Variants in TCEA3 observed in about 807,000 individuals in gnomAD.
The protein encoded by TCEA3 is transcription elongation factor A protein 3.
Under a neutral mutation model 44.0 loss-of-function variants are expected in TCEA3, and 36 were observed. The observed-to-expected ratio is 0.82, with a 90% confidence interval of 0.63 to 1.08. The LOEUF (loss-of-function observed/expected upper bound fraction) is 1.08. TCEA3 is among the 50% of genes least tolerant of loss of function. The pLI, the probability that TCEA3 is intolerant of heterozygous loss-of-function variation, is 0.00. For synonymous variants in TCEA3, 162 were observed against 159.7 expected (o/e 1.01, Z -0.11); for missense variants, 392 against 441.2 (o/e 0.89, Z 1.00).
rs987877549 is a variant in TCEA3, at chr1:23,395,598, G to A, written c.665-1565C>T. Among the ~76,000 whole-genome samples the A allele has an allele frequency of 9.2e-5, 14 of 152,162 alleles. 1 individual carries two copies. Among genetic ancestry groups the A allele is most frequent in the Admixed American group, 8.5e-4 (13 of 15,254 alleles). ...CCCAGCATTTTACGAGGCTGAGGAG[G>A]GAGGATCACCTGAGGTCAGGAGTTC... On this transcript the variant is annotated intron_variant, in intron 7 of 10. Coordinates refer to ENST00000450454, the MANE Select transcript of TCEA3 (RefSeq NM_003196.3).
rs1227099339 is a variant in TCEA3, at chr1:23,384,061, G to A, written c.1038+285C>T. 17 of 1,260,506 alleles carry A rather than the reference G, an allele frequency of 1.3e-5. No individual in the cohort carries two copies. In the East Asian group the frequency reaches 1.7e-4, roughly 12 times the overall value. The allele number at this position is 1,260,506 out of a possible 1,614,324, so 78.1% of individuals were successfully genotyped here. A position where few individuals can be genotyped will look rare whatever the true frequency, so the allele number is the denominator to read the frequency against. ...TCTCCTCTGTGGATCTCAGGAAGCC[G>A]ATTCCATCTGTGCTCAAATGACAGA... is the stretch of plus-strand genomic sequence containing the variant. On this transcript the variant is annotated intron_variant, in intron 10 of 10. Coordinates refer to ENST00000450454, the MANE Select transcript of TCEA3 (RefSeq NM_003196.3).
chr1:23,400,200 T>A (rs1158453502), intron 5 of TCEA3, among the ~76,000 whole-genome samples: 1 of 152,188 alleles, frequency 6.6e-6, no homozygotes, highest in Non-Finnish European at 1.5e-5. Flanking sequence ...TTGGTAACCC[T>A]AAAAGTCACA....
chr1:23,418,657 C>T (rs1031594695), intron 2 of TCEA3, among the ~76,000 whole-genome samples: 3 of 152,098 alleles, frequency 2.0e-5, no homozygotes, highest in Admixed American at 6.5e-5. Flanking sequence ...ACAGCAGCTC[C>T]GGCTATGAGA....
rs568809529 is a variant in TCEA3 at position 23,391,704 on chromosome 1, T to C, written c.819+2175A>G. Among the ~76,000 whole-genome samples the C allele has an allele frequency of 2.6e-5, 4 of 151,990 alleles. No individual in the cohort carries two copies. The East Asian group carries it at 7.8e-4, about 30-fold the overall frequency. Reference sequence around the variant, plus strand: ...TTGGGAGGCTGAGGCAGGTGGATTATCTGAGGTCAGGAGTTTGAGACCAGC... The same window carrying C: ...TTGGGAGGCTGAGGCAGGTGGATTACCTGAGGTCAGGAGTTTGAGACCAGC... On this transcript the variant is annotated intron_variant, in intron 8 of 10. Coordinates refer to ENST00000450454, the MANE Select transcript of TCEA3 (RefSeq NM_003196.3).
At chr1:23,419,942 C>T (rs968575178) in intron 1 of TCEA3, among the ~76,000 whole-genome samples, 1 of 152,180 alleles carries the variant, frequency 6.6e-6, no homozygotes, top group Non-Finnish European at 1.5e-5. Context: ...TACGTGTACA[C>T]CCATGGAACC....
chr1:23,403,619 G>A (rs1234488498), intron 5 of TCEA3: 1 of 158,734 alleles, frequency 6.3e-6, no homozygotes, highest in Non-Finnish European at 1.4e-5. Flanking sequence ...GTAGACTGAA[G>A]CTCAGAGAGC....
intron 7 of TCEA3, among the ~76,000 whole-genome samples, chr1:23,397,300 A>G (rs886194098): frequency 1.3e-5 from 2 of 152,232 alleles, no homozygotes; most frequent in Non-Finnish European, 2.9e-5. Context: ...AACTGGATAA[A>G]TCAGGGAACC....
intron 10 of TCEA3, among the ~76,000 whole-genome samples, chr1:23,382,411 C>T (rs972406596): frequency 6.6e-6 from 1 of 152,154 alleles, no homozygotes; most frequent in Non-Finnish European, 1.5e-5. Flanking sequence ...TCCCGTAATA[C>T]TAGTAGATGA....
At chr1:23,397,481 G>C in intron 7 of TCEA3, 64 bp downstream of exon 7, 1 of 1,506,574 alleles carries the variant, frequency 6.6e-7, no homozygotes, top group Non-Finnish European at 9.1e-7. Context: ...CAGCTCGCTT[G>C]CACCTTGGAT....
rs950201304 is a variant in TCEA3, at chr1:23,404,262, T to C, written c.443+4402A>G. 4.4e-6 allele frequency: 3 copies of C among 688,316 alleles called. No homozygotes were observed. In the African/African-American group the frequency reaches 5.3e-5, roughly 12 times the overall value. 42.6% of individuals were successfully genotyped at this position (688,316 alleles called of 1,614,324 possible). A position where few individuals can be genotyped will look rare whatever the true frequency, so the allele number is the denominator to read the frequency against. ...GTATCCTCCGTGGTCTGCTTCCTGG[T>C]ACTCCAGCTACAGTTCCCAGAGCAT... On this transcript the variant is annotated intron_variant, in intron 5 of 10. Coordinates refer to ENST00000450454, the MANE Select transcript of TCEA3 (RefSeq NM_003196.3).
intron 8 of TCEA3, among the ~76,000 whole-genome samples, chr1:23,389,191 A>G (rs1194279098): frequency 6.6e-6 from 1 of 152,130 alleles, no homozygotes; most frequent in Admixed American, 6.6e-5. Context: ...TGCCCATTCA[A>G]AATTTATTGG....
intron 5 of TCEA3, among the ~76,000 whole-genome samples, chr1:23,401,953 GTCCATGGA>G (rs1639409059): frequency 1.3e-5 from 2 of 152,154 alleles, no homozygotes; most frequent in Non-Finnish European, 2.9e-5. Flanking sequence ...ACAAACCCTG[GTCCATGGA>G]AAAACCGTCT....
intron 3 of TCEA3, 77 bp from the exon 4 acceptor site, chr1:23,417,467 A>G: frequency 6.5e-7 from 1 of 1,530,438 alleles, no homozygotes; most frequent in Non-Finnish European, 8.8e-7. Context: ...GTGGGGAGAG[A>G]GCAAAGGGCA....
intron 3 of TCEA3, among the ~76,000 whole-genome samples, chr1:23,417,696 T>C (rs1639934261): frequency 6.6e-6 from 1 of 152,252 alleles, no homozygotes; most frequent in Non-Finnish European, 1.5e-5. Context: ...GTGGCACATG[T>C]ACACAAAACT....
At chr1:23,399,382 C>T (rs1639328908) in intron 5 of TCEA3, among the ~76,000 whole-genome samples, 1 of 151,758 alleles carries the variant, frequency 6.6e-6, no homozygotes, top group Non-Finnish European at 1.5e-5. Context: ...ATTGTATTCA[C>T]ATGGTGTCTC....
intron 10 of TCEA3, chr1:23,384,108 T>C (rs1245166358): frequency 4.5e-6 from 6 of 1,346,810 alleles, no homozygotes; most frequent in Non-Finnish European, 5.7e-6. Flanking sequence ...TGTGATAAAA[T>C]GTGGGCTGCT....
intron 7 of TCEA3, among the ~76,000 whole-genome samples, chr1:23,396,967 C>T (rs10737473): frequency 0.92 from 137,212 of 149,040 alleles, 63,254 homozygotes; most frequent in African/African-American, 0.96. Context: ...ATTGCGCCAT[C>T]GCACTCCAGC....
At chr1:23,390,982 G>A (rs964453513) in intron 8 of TCEA3, among the ~76,000 whole-genome samples, 56 of 151,924 alleles carry the variant, frequency 3.7e-4, no homozygotes, top group African/African-American at 1.3e-3. Context: ...AAAGAATGAG[G>A]GAGTCAGGTA....
chr1:23,411,910 A>C (rs1316055455), intron 4 of TCEA3, among the ~76,000 whole-genome samples: 1 of 152,246 alleles, frequency 6.6e-6, no homozygotes, highest in Admixed American at 6.5e-5. Context: ...ATGCTATGCT[A>C]TAGATTATGT....
Sources: allele counts gnomAD v4.1 joint callset (sites outside exome capture counted in the v4.1 genomes callset), GRCh38; gene constraint gnomAD v4.1.1; transcripts MANE v1.5; gene names NCBI Gene and HGNC (gene_info 2026-07-23, HGNC 2026-07-21).